The following MYOM1 variants were observed in gnomAD, a reference collection of about 807,000 sequenced individuals.
MYOM1 encodes myomesin 1.
In MYOM1, 164 loss-of-function variants were observed where a neutral mutation model predicts 205.3. That is an observed-to-expected ratio of 0.80 (90% CI 0.70 to 0.91). The LOEUF (loss-of-function observed/expected upper bound fraction) is 0.91, where lower values mean the gene tolerates loss of function less well. Among genes scored for constraint, MYOM1 ranks in the 40% least tolerant of loss-of-function variants. The pLI is 0.00. For synonymous variants in MYOM1, 772 were observed against 789.4 expected, an observed-to-expected ratio of 0.98 and a Z score of 0.37; for missense variants, 2,011 against 2,127.3, an observed-to-expected ratio of 0.95 and a Z score of 1.08.
chr18:3,115,373 G>T (rs1039402251), intron 21 of MYOM1, among the ~76,000 whole-genome samples: 1 of 152,172 alleles, frequency 6.6e-6, no homozygotes, highest in Admixed American at 6.5e-5. Context: ...GTTTAGAGTG[G>T]CTGGAAATAC....
At chr18:3,170,353 T>C (rs7236402) in intron 8 of MYOM1, among the ~76,000 whole-genome samples, 89,705 of 152,068 alleles carry the variant, frequency 0.59, 27,055 homozygotes, top group Non-Finnish European at 0.65. Flanking sequence ...TCATTACACA[T>C]TGTATGCTTG....
In MYOM1 at chr18:3,189,123, G is replaced by T. The variant is rs778369902; in HGVS notation, c.432-36C>A. 3.2e-6 allele frequency: 5 copies of T among 1,569,618 alleles called. No homozygotes were observed. The African/African-American group carries it at 4.0e-5, about 13-fold the overall frequency. ...ACAATGGCAAAATGTAGATGTTGTG[G>T]ATGGCAGTGATAAGATTGAGTAATT... is the stretch of plus-strand genomic sequence containing the variant. On this transcript the variant is annotated intron_variant, in intron 3 of 37. Coordinates refer to ENST00000356443, the MANE Select transcript of MYOM1 (RefSeq NM_003803.4). This position sits in a 1 kb window ranked among gnomAD's most constrained non-coding sequence, Gnocchi z 4.8.
chr18:3,114,304 C>A (rs573089444), intron 21 of MYOM1, among the ~76,000 whole-genome samples: 12 of 152,268 alleles, frequency 7.9e-5, no homozygotes, highest in African/African-American at 2.9e-4. Flanking sequence ...TCTTCCATCA[C>A]CACAGGGGCA....
intron 37 of MYOM1, among the ~76,000 whole-genome samples, chr18:3,070,029 T>C (rs1207018023): frequency 6.6e-6 from 1 of 152,244 alleles, no homozygotes; most frequent in Non-Finnish European, 1.5e-5. Flanking sequence ...ATGCCTTGCT[T>C]TGTTACCCGA....
rs2078949553 is a variant in MYOM1 at position 3,070,737 on chromosome 18, TG to T, written c.4764+1096del. On this transcript the variant is annotated intron_variant, in intron 37 of 37. Transcript: ENST00000356443. The stretch of plus-strand genomic sequence containing the variant: ...AAAGAAACCAGAGGTGCATGTTCTT[TG>T]TGTGTGTGTGTGTGTGTGTGTGTGT... 4.7e-4 allele frequency among the ~76,000 whole-genome samples: 3 copies of T among 6,420 alleles called. No individual in the cohort carries two copies. The South Asian group carries it at 0.01, about 22-fold the overall frequency. The allele number at this position is 6,420 out of a possible 152,430, so 4.2% of individuals were successfully genotyped here.
At chr18:3,085,928 C>A in intron 30 of MYOM1, 110 bp downstream of exon 30, 1 of 661,056 alleles carries the variant, frequency 1.5e-6, no homozygotes, top group Non-Finnish European at 2.6e-6. Flanking sequence ...TGGAAGTAAG[C>A]TAATATAAAT....
chr18:3,166,623 C>T (rs11661702), intron 9 of MYOM1, among the ~76,000 whole-genome samples: 29,313 of 151,904 alleles, frequency 0.19, 2,977 homozygotes, highest in East Asian at 0.37. Flanking sequence ...ATGTAACTTT[C>T]AGGGAAATTA....
At chr18:3,234,962 G>A in the MYOM1 span, among the ~76,000 whole-genome samples, 1 of 148,974 alleles carries the variant, frequency 6.7e-6, no homozygotes, top group East Asian at 1.9e-4. Context: ...ACGCTGGATT[G>A]CCCAGGCTGG....
chr18:3,141,619 G>A (rs556495657), intron 14 of MYOM1, among the ~76,000 whole-genome samples: 2 of 152,310 alleles, frequency 1.3e-5, no homozygotes, highest in South Asian at 2.1e-4. Context: ...AGACAGGAAG[G>A]TCTCTAGAAA....
chr18:3,106,646 ACT>A (rs2079455440), intron 22 of MYOM1, among the ~76,000 whole-genome samples: 1 of 151,938 alleles, frequency 6.6e-6, no homozygotes, highest in African/African-American at 2.4e-5. Flanking sequence ...ACAAAATGAG[ACT>A]CTGTATCTAC....
At chr18:3,197,621 C>G (rs2081005966) in intron 2 of MYOM1, among the ~76,000 whole-genome samples, 1 of 152,088 alleles carries the variant, frequency 6.6e-6, no homozygotes, top group Non-Finnish European at 1.5e-5. Context: ...CGCCTGTAAT[C>G]CCAGCACGTT....
intron 25 of MYOM1, among the ~76,000 whole-genome samples, chr18:3,094,856 G>A (rs2079279859): frequency 6.6e-6 from 1 of 151,624 alleles, no homozygotes; most frequent in Non-Finnish European, 1.5e-5. Flanking sequence ...ATTAGAAAGA[G>A]ACTCACTATG....
intron 13 of MYOM1, among the ~76,000 whole-genome samples, chr18:3,143,900 CAA>C (rs55830599): frequency 2.2e-3 from 111 of 49,356 alleles, no homozygotes; most frequent in African/African-American, 6.7e-3. Flanking sequence ...GACCCTGTCT[CAA>C]AAAAAAAAAA....
rs1470845539 is a variant in MYOM1 at position 3,176,894 on chromosome 18, T to A, written c.930-760A>T. 3.6e-5 allele frequency among the ~76,000 whole-genome samples: 5 copies of A among 138,820 alleles called. No homozygotes were observed. The East Asian group carries it at 6.5e-4, about 18-fold the overall frequency. The allele number at this position is 138,820 out of a possible 152,430, so 91.1% of individuals were successfully genotyped here. ...GAGACTCCATCTCGAAAAAAAAAAA[T>A]TTGCAGTATATAATATGCACACTTT... On this transcript the variant is annotated intron_variant, in intron 5 of 37. Coordinates refer to ENST00000356443, the MANE Select transcript of MYOM1 (RefSeq NM_003803.4).
chr18:3,230,700 T>C, the MYOM1 span, among the ~76,000 whole-genome samples: 1 of 151,656 alleles, frequency 6.6e-6, no homozygotes. Flanking sequence ...AAGTAACCAA[T>C]GGGGAACTTC....
chr18:3,123,016 G>A (rs767102589), intron 19 of MYOM1, among the ~76,000 whole-genome samples: 8 of 152,058 alleles, frequency 5.3e-5, no homozygotes, highest in Non-Finnish European at 1.0e-4. Flanking sequence ...AATCTGAGAC[G>A]GTGTCGTGCT....
the MYOM1 span, among the ~76,000 whole-genome samples, chr18:3,227,984 G>C: frequency 2.6e-4 from 39 of 151,744 alleles, no homozygotes; most frequent in Non-Finnish European, 4.3e-4. Flanking sequence ...AGGAACGCAG[G>C]AGTCAGAGAT....
At position 3,067,053 on chromosome 18, in the gene MYOM1, G is replaced by A; in HGVS notation, c.*209C>T. The A allele has an allele frequency of 1.7e-6, 1 of 581,862 alleles. No individual in the cohort carries two copies. 36.0% of individuals were successfully genotyped at this position (581,862 alleles called of 1,614,324 possible). A position where few individuals can be genotyped will look rare whatever the true frequency, so the allele number is the denominator to read the frequency against. ...TTTCCTAATCTTCATGCTATGAATG[G>A]TATTTTCTTAACACATAATTTTGTA... On this transcript the variant is annotated 3_prime_UTR_variant, in exon 38 of 38. Coordinates refer to ENST00000356443, the MANE Select transcript of MYOM1 (RefSeq NM_003803.4).
intron 10 of MYOM1, 41 bp from the exon 11 acceptor site, chr18:3,155,129 T>C (rs368800433): frequency 3.0e-5 from 47 of 1,562,734 alleles, no homozygotes; most frequent in Non-Finnish European, 4.1e-5. Flanking sequence ...CTCTCAGACA[T>C]GCTGTCAGTC....
Sources: allele counts gnomAD v4.1 joint callset (sites outside exome capture counted in the v4.1 genomes callset), GRCh38; gene constraint gnomAD v4.1.1; non-coding constraint Gnocchi (gnomAD v3.1); transcripts MANE v1.5; gene names NCBI Gene and HGNC (gene_info 2026-07-23, HGNC 2026-07-21).